PPP6R2: variants seen among roughly 807,000 people sequenced by gnomAD.
PPP6R2 encodes the protein protein phosphatase 6 regulatory subunit 2, also known as serine/threonine-protein phosphatase 6 regulatory subunit 2.
Under a neutral mutation model 100.2 loss-of-function variants are expected in PPP6R2, and 62 were observed. The observed-to-expected ratio is 0.62, with a 90% confidence interval of 0.50 to 0.76. PPP6R2 has a LOEUF of 0.76. Ranked by LOEUF, PPP6R2 falls within the 30% of genes least tolerant of loss-of-function variation. The pLI is 0.00. For synonymous variants in PPP6R2, 525 were observed against 514.7 expected (o/e 1.02, Z -0.27); for missense variants, 1,142 against 1,276.3 (o/e 0.89, Z 1.60).
intron 2 of PPP6R2, among the ~76,000 whole-genome samples, chr22:50,391,456 A>T (rs1035588039): frequency 6.7e-6 from 1 of 149,408 alleles, no homozygotes; most frequent in Non-Finnish European, 1.5e-5. Flanking sequence ...AAAAAAAAAA[A>T]TGTAAACATT....
At chr22:50,348,787 G>A (rs2044322955) in intron 1 of PPP6R2, among the ~76,000 whole-genome samples, 1 of 152,180 alleles carries the variant, frequency 6.6e-6, no homozygotes, top group South Asian at 2.1e-4. Flanking sequence ...AAGCACATGG[G>A]CTGGGTGCGG....
At chr22:50,430,694 C>T (rs2062963216) in intron 10 of PPP6R2, among the ~76,000 whole-genome samples, 1 of 151,962 alleles carries the variant, frequency 6.6e-6, no homozygotes. Flanking sequence ...ACCAACATGG[C>T]AAAATCCCGT....
intron 3 of PPP6R2, among the ~76,000 whole-genome samples, chr22:50,401,024 G>A (rs1168801287): frequency 1.3e-5 from 2 of 151,820 alleles, no homozygotes; most frequent in Non-Finnish European, 2.9e-5. Context: ...CATCTTTTAA[G>A]TTCTCATCCT....
At chr22:50,363,009 T>G (rs1250073890) in intron 1 of PPP6R2, among the ~76,000 whole-genome samples, 6 of 152,222 alleles carry the variant, frequency 3.9e-5, no homozygotes, top group Non-Finnish European at 8.8e-5. Flanking sequence ...TAGCCACTGG[T>G]GGCCTGAGGA....
chr22:50,376,213 G>A (rs1362412914), intron 2 of PPP6R2, among the ~76,000 whole-genome samples: 1 of 151,986 alleles, frequency 6.6e-6, no homozygotes, highest in Non-Finnish European at 1.5e-5. Context: ...CCAGCATATT[G>A]GGAGGCTGAG....
At chr22:50,337,365 G>C in the PPP6R2 span, among the ~76,000 whole-genome samples, 1 of 136,682 alleles carries the variant, frequency 7.3e-6, no homozygotes, top group African/African-American at 2.7e-5. Flanking sequence ...GTGGGTGTGT[G>C]TGTGCTGTGT....
chr22:50,438,026 A>G (rs2064768275), intron 17 of PPP6R2, 126 bp downstream of exon 17: 4 of 1,494,104 alleles, frequency 2.7e-6, no homozygotes, highest in African/African-American at 1.4e-5. Context: ...GGAGCTCGGA[A>G]CAGTCGCTTT....
rs376238202 is a variant in PPP6R2, at chr22:50,441,021, C to T, written c.2574C>T (p.Val858=). ...CAGTGGCCAGGACAGAGGAGGCTGT[C>T]GGCAGGTGTGTGGGGCGTGGCGGGG... ...LPTVARTEEA[V]GRVGCADSRL... The change falls in exon 22 of 24, where the codon GTC becomes GTT. Residue 858 remains valine, a synonymous_variant. Transcript: ENST00000612753. 2.1e-5 allele frequency: 33 copies of T among 1,582,454 alleles called. No homozygotes were observed. The highest frequency in any genetic ancestry group is 2.6e-5 in the Non-Finnish European group (30 of 1,160,884).
chr22:50,418,638 G>A (rs1202524346), intron 6 of PPP6R2, among the ~76,000 whole-genome samples: 1 of 151,762 alleles, frequency 6.6e-6, no homozygotes, highest in Non-Finnish European at 1.5e-5. Context: ...TGCCTGCCTT[G>A]GCCTCCCAAA....
intron 3 of PPP6R2, among the ~76,000 whole-genome samples, chr22:50,394,783 G>A (rs957906384): frequency 4.6e-5 from 7 of 151,566 alleles, no homozygotes; most frequent in Admixed American, 1.3e-4. Context: ...GCGGGCGCCC[G>A]TAGTCCCAGA....
intron 2 of PPP6R2, among the ~76,000 whole-genome samples, chr22:50,385,491 C>T (rs934360232): frequency 1.3e-5 from 2 of 150,404 alleles, no homozygotes; most frequent in African/African-American, 2.4e-5. Context: ...AGCCACCACC[C>T]CCAGCCAGGG....
rs146592285 is a variant in PPP6R2 at position 50,437,592 on chromosome 22, C to T, written c.1770C>T (p.Asp590=). 1.6e-3 allele frequency: 2,512 copies of T among 1,609,292 alleles called. 4 individuals carry two copies. Among genetic ancestry groups the T allele is most frequent in the Non-Finnish European group, 1.9e-3 (2,233 of 1,175,944 alleles). The change falls in exon 16 of 24, where the codon GAC becomes GAT. Residue 590 remains aspartate, a synonymous_variant. Transcript: ENST00000612753. ...ATGATGAGGAGTTTGCCGACCAGGACGACAACATCAAGTGAGTCTACTTGG... is the reference window on the plus strand; with the variant it reads ...ATGATGAGGAGTTTGCCGACCAGGATGACAACATCAAGTGAGTCTACTTGG... ...GFNDEEFADQ[D]DNINAPFDRI... is the part of the protein sequence containing the mutation.
At chr22:50,401,833 A>G (rs2058093487) in intron 3 of PPP6R2, among the ~76,000 whole-genome samples, 1 of 150,998 alleles carries the variant, frequency 6.6e-6, no homozygotes, top group Admixed American at 6.6e-5. Context: ...ACAGGGTTTC[A>G]CCGTGTTAGC....
At position 50,431,280 on chromosome 22, in the gene PPP6R2, C is replaced by A. The variant is rs147275453; in HGVS notation, c.1233C>A (p.Ser411Arg). 2.3e-5 allele frequency: 37 copies of A among 1,613,420 alleles called. No individual in the cohort carries two copies. Among genetic ancestry groups the A allele is most frequent in the Non-Finnish European group, 2.9e-5 (34 of 1,180,034 alleles). The change falls in exon 11 of 24, where the codon AGC becomes AGA. Residue 411 changes from serine to arginine, a missense_variant. Coordinates refer to ENST00000612753, the MANE Select transcript of PPP6R2 (RefSeq NM_001242898.2). The surrounding 1 kb of genome is among the most constrained non-coding windows in gnomAD (Gnocchi z 4.8). ...CCCGTGAGGAGAGGACAGAAGCCAG[C>A]GGATCCGAGAGCAGGGTGGAGCCTC... is the stretch of plus-strand genomic sequence containing the variant. ...HAAREERTEA[S>R]GSESRVEPPH...
At chr22:50,409,601 T>C (rs1159780277) in intron 4 of PPP6R2, among the ~76,000 whole-genome samples, 1 of 152,194 alleles carries the variant, frequency 6.6e-6, no homozygotes, top group Non-Finnish European at 1.5e-5. Flanking sequence ...CTAATTTTTG[T>C]ATTTTTAGTA....
At chr22:50,432,994 G>A (rs1334949371) in intron 12 of PPP6R2, among the ~76,000 whole-genome samples, 2 of 150,100 alleles carry the variant, frequency 1.3e-5, no homozygotes, top group Non-Finnish European at 3.0e-5. Flanking sequence ...TGCCACCAGC[G>A]GGACTTAGGC....
chr22:50,395,028 G>A (rs1357982502), intron 3 of PPP6R2, among the ~76,000 whole-genome samples: 1 of 151,962 alleles, frequency 6.6e-6, no homozygotes, highest in African/African-American at 2.4e-5. Flanking sequence ...CAATATGTTG[G>A]GAAAAAAAGA....
At position 50,444,059 on chromosome 22, in the gene PPP6R2, A is replaced by G. The variant is rs756945047; in HGVS notation, c.2773A>G (p.Met925Val). 1 of 1,612,992 alleles carries G rather than the reference A, an allele frequency of 6.2e-7. No individual in the cohort carries two copies. Among genetic ancestry groups the G allele is most frequent in the South Asian group, 1.1e-5 (1 of 91,074 alleles). The change falls in exon 23 of 24, where the codon ATG becomes GTG. Residue 925 changes from methionine to valine, a missense_variant. Physicochemically the swap from Met to Val is conservative, Grantham distance 21. Transcript: ENST00000612753. ...LAVAVPLGPI[M>V]AVTAAPAMVA... ...CGTGGCGGTCCCCCTAGGGCCCATC[A>G]TGGCAGTCACAGCAGCCCCAGCCAT...
upstream of PPP6R2, among the ~76,000 whole-genome samples, chr22:50,339,332 GTGTGTGGTATGTAGTGTGTGGTA>G (rs2042342128): frequency 6.8e-6 from 1 of 147,006 alleles, no homozygotes; most frequent in Non-Finnish European, 1.5e-5. Context: ...TGTGTGTGGT[GTGTGTGGTATGTAGTGTGTGGTA>G]TGTGGTGTGT....
Sources: gnomAD v4.1 joint callset for allele counts (sites outside exome capture counted in the v4.1 genomes callset) on GRCh38, gnomAD v4.1.1 for gene constraint, Gnocchi (gnomAD v3.1) non-coding constraint, MANE v1.5 for transcripts, NCBI Gene and HGNC (gene_info 2026-07-23, HGNC 2026-07-21) for gene names.